LAMA4: variants seen among roughly 807,000 people sequenced by gnomAD.
The protein encoded by LAMA4 is laminin subunit alpha 4.
LAMA4 carries 127 observed loss-of-function variants against 207.1 expected under a neutral mutation model. That is an observed-to-expected ratio of 0.61 (90% confidence interval 0.53 to 0.71). LAMA4 has a LOEUF of 0.71. Among genes scored for constraint, LAMA4 ranks in the 30% least tolerant of loss-of-function variants. LAMA4 has a pLI of 0.00. For missense variants in LAMA4, 2,093 were observed against 2,246.5 expected (o/e 0.93, Z 1.38); for synonymous variants, 761 against 816.0 (o/e 0.93, Z 1.15).
At chr6:112,133,637 A>AAGATTAGACATTGCTGTG in intron 26 of LAMA4, 150 bp from the exon 27 acceptor site, 1 of 1,006,746 alleles carries the variant, frequency 9.9e-7, no homozygotes, top group Non-Finnish European at 1.5e-6. Flanking sequence ...GCACACAGCA[A>AAGATTAGACATTGCTGTG]TGTCTAATCT....
At position 112,165,223 on chromosome 6, in the gene LAMA4, G is replaced by A; in HGVS notation, c.1605C>T (p.Ser535=). 6.2e-7 allele frequency: 1 copy of A among 1,613,742 alleles called. No individual in the cohort carries two copies. The highest frequency in any genetic ancestry group is 8.5e-7 in the Non-Finnish European group (1 of 1,179,650). ...GTGTTGTCAGAGAGTCCGCAGATGT[G>A]CTCAGAGACATGTTCACCACTTCCA... ...EQMEVVNMSL[S]TSADSLTTPR... Residue 535 remains serine (S), a synonymous_variant, in exon 13 of 39, where the codon AGC becomes AGT. Coordinates refer to ENST00000230538, the MANE Select transcript of LAMA4 (RefSeq NM_001105206.3).
chr6:112,155,627 A>G lies in LAMA4; in HGVS notation c.1897T>C (p.Tyr633His), dbSNP rs781836883. 6.2e-7 allele frequency: 1 copy of G among 1,614,082 alleles called. No homozygotes were observed. Among genetic ancestry groups the G allele is most frequent in the Non-Finnish European group, 8.5e-7 (1 of 1,179,926 alleles). The change falls in exon 15 of 39, where the codon TAT (tyrosine) becomes CAT (histidine). Residue 633 changes from tyrosine (Y) to histidine (H), a missense_variant. Tyr to His is a moderately conservative substitution (Grantham distance 83, BLOSUM62 2). Coordinates refer to ENST00000230538, the MANE Select transcript of LAMA4 (RefSeq NM_001105206.3). ...GCTGTTTCATTGGCTTCACTAACATAATTAACAATATTTTCATAGACATTT... is the reference window on the plus strand; with the variant it reads ...GCTGTTTCATTGGCTTCACTAACATGATTAACAATATTTTCATAGACATTT... The part of the protein sequence containing the change: ...ASNVYENIVN[Y>H]VSEANETAEF...
intron 2 of LAMA4, among the ~76,000 whole-genome samples, chr6:112,231,809 C>A (rs1405843027): frequency 2.6e-5 from 4 of 152,200 alleles, no homozygotes; most frequent in African/African-American, 9.6e-5. Flanking sequence ...ACCATCACTG[C>A]AATTCTGACT....
intron 3 of LAMA4, among the ~76,000 whole-genome samples, chr6:112,212,699 A>T (rs537731634): frequency 6.6e-6 from 1 of 152,250 alleles, no homozygotes; most frequent in African/African-American, 2.4e-5. Flanking sequence ...GGTTTGCAAC[A>T]GATGGAAAAA....
chr6:112,143,296 T>C (rs1180727098), intron 19 of LAMA4, among the ~76,000 whole-genome samples: 3 of 150,768 alleles, frequency 2.0e-5, no homozygotes, highest in Non-Finnish European at 4.4e-5. Flanking sequence ...TTTTTTTTTT[T>C]TTTTTTTTGA....
chr6:112,116,429 T>C (rs1230708141), intron 35 of LAMA4, among the ~76,000 whole-genome samples: 1 of 152,056 alleles, frequency 6.6e-6, no homozygotes, highest in Admixed American at 6.5e-5. Flanking sequence ...GGAGGCATGG[T>C]GAGTGGGAGC....
chr6:112,148,200 G>A lies in LAMA4; in HGVS notation c.2310C>T (p.Asp770=). 1.2e-6 allele frequency: 2 copies of A among 1,614,180 alleles called. No homozygotes were observed. Among genetic ancestry groups the A allele is most frequent in the Middle Eastern group, 1.6e-4 (1 of 6,062 alleles). The change falls in exon 18 of 39, where the codon GAC becomes GAT. Residue 770 remains aspartate (D), a synonymous_variant. Transcript: ENST00000230538. ...TNWSQNLQHF[D]SSAYNTAVNS... is the part of the protein sequence containing the mutation. Reference sequence around the variant, plus strand: ...TCACTGCAGTGTTGTAAGCAGAAGAGTCAAAATGTTGAAGATTCTGTGACC... The same window carrying A: ...TCACTGCAGTGTTGTAAGCAGAAGAATCAAAATGTTGAAGATTCTGTGACC...
At position 112,139,106 on chromosome 6, in the gene LAMA4, G is replaced by T; in HGVS notation, c.3282+14C>A. The T allele has an allele frequency of 6.2e-7, 1 of 1,612,500 alleles. No individual in the cohort carries two copies. The highest frequency in any genetic ancestry group is 8.5e-7 in the Non-Finnish European group (1 of 1,178,510). ...AAATAAAGGAGAAGTAGTAGGACTT[G>T]TATTTTTACTCACTCCATTGACCAT... On this transcript the variant is annotated intron_variant, in intron 24 of 38. Coordinates refer to ENST00000230538, the MANE Select transcript of LAMA4 (RefSeq NM_001105206.3).
At chr6:112,195,043 G>A (rs1399519816) in intron 5 of LAMA4, among the ~76,000 whole-genome samples, 4 of 152,140 alleles carry the variant, frequency 2.6e-5, no homozygotes, top group African/African-American at 9.7e-5. Flanking sequence ...ACCAAAAACT[G>A]TTTCAGGAAT....
At chr6:112,146,631 A>C (rs560998682) in intron 18 of LAMA4, among the ~76,000 whole-genome samples, 3 of 152,332 alleles carry the variant, frequency 2.0e-5, no homozygotes, top group African/African-American at 7.2e-5. Flanking sequence ...ATGGTCATTA[A>C]GCATTAGTAG....
chr6:112,136,691 C>CAAAAAAAAAAAAAAAAATAA (rs57602663), intron 24 of LAMA4, among the ~76,000 whole-genome samples: 1 of 118,194 alleles, frequency 8.5e-6, no homozygotes, highest in Non-Finnish European at 1.8e-5. Flanking sequence ...GACTCTGTCT[C>CAAAAAAAAAAAAAAAAATAA]AAAAAAAAAA....
intron 13 of LAMA4, among the ~76,000 whole-genome samples, chr6:112,160,271 A>G (rs782295540): frequency 3.2e-4 from 49 of 152,230 alleles, no homozygotes; most frequent in Admixed American, 5.9e-4. Context: ...CTATAGATGT[A>G]TTTATAGCTA....
intron 8 of LAMA4, chr6:112,186,704 T>G (rs1474711602): frequency 6.1e-5 from 27 of 439,704 alleles, no homozygotes; most frequent in African/African-American, 1.2e-4. Flanking sequence ...ATGTCAATGC[T>G]GTGTAAATAG....
intron 12 of LAMA4, among the ~76,000 whole-genome samples, chr6:112,170,556 C>T (rs937798603): frequency 1.2e-4 from 19 of 152,188 alleles, no homozygotes; most frequent in African/African-American, 3.6e-4. Flanking sequence ...ACTGAAAATG[C>T]ATCTTCAATA....
In LAMA4 at chr6:112,139,289, T is replaced by C. The variant is rs373541276; in HGVS notation, c.3113A>G (p.Asp1038Gly). 2.5e-6 allele frequency: 4 copies of C among 1,614,044 alleles called. No individual in the cohort carries two copies. The highest frequency in any genetic ancestry group is 3.4e-6 in the Non-Finnish European group (4 of 1,180,000). The change falls in exon 24 of 39, where the codon GAT (aspartate) becomes GGT (glycine). Residue 1038 changes from aspartate to glycine, a missense_variant and splice_region_variant. By Grantham distance (94) the Asp-to-Gly change is moderately conservative. Coordinates refer to ENST00000230538, the MANE Select transcript of LAMA4 (RefSeq NM_001105206.3). ...DPSTSVPCAR[D>G]KLAFTQSRAA... is the part of the protein sequence containing the mutation. ...CCGACTCTGAGTGAAGGCCAGCTTA[T>C]CTCTGAAATGGAAACACAACGGTCA... is the stretch of plus-strand genomic sequence containing the variant.
At chr6:112,253,711 C>T in intron 2 of LAMA4, 1 of 1,596,280 alleles carries the variant, frequency 6.3e-7, no homozygotes, top group Non-Finnish European at 8.6e-7. Context: ...CTCAGAGCAC[C>T]AACACATGCA....
At chr6:112,122,803 AATT>A (rs1778442403) in intron 31 of LAMA4, among the ~76,000 whole-genome samples, 1 of 152,230 alleles carries the variant, frequency 6.6e-6, no homozygotes, top group Non-Finnish European at 1.5e-5. Flanking sequence ...GCTAATATTT[AATT>A]ATTATTTAGT....
chr6:112,133,589 CTT>C, intron 26 of LAMA4, 102 bp from the exon 27 acceptor site: 1 of 1,328,916 alleles, frequency 7.5e-7, no homozygotes, highest in Non-Finnish European at 1.1e-6. Context: ...TTTGTAATGG[CTT>C]TATAATCATT....
At chr6:112,175,553 G>C (rs1781975436) in intron 10 of LAMA4, 73 bp from the exon 11 acceptor site, 6 of 1,478,784 alleles carry the variant, frequency 4.1e-6, no homozygotes, top group Non-Finnish European at 5.6e-6. Context: ...AGGGAGCAAG[G>C]GCTGTGGGCA....
Sources: allele counts gnomAD v4.1 joint callset (sites outside exome capture counted in the v4.1 genomes callset), GRCh38; gene constraint gnomAD v4.1.1; transcripts MANE v1.5; gene names NCBI Gene and HGNC (gene_info 2026-07-23, HGNC 2026-07-21).